SYNJ2: variants seen among roughly 807,000 people sequenced by gnomAD.
SYNJ2 encodes synaptojanin 2, also known as polyphosphatidylinositol phosphatase SYNJ2.
SYNJ2 carries 116 observed loss-of-function variants against 141.3 expected under a neutral mutation model. The ratio of observed to expected loss-of-function variants is 0.82; its 90% confidence interval spans 0.71 to 0.96. The LOEUF is 0.96. Among genes scored for constraint, SYNJ2 ranks in the 40% least tolerant of loss-of-function variants. The pLI is 0.00. For synonymous variants in SYNJ2, 745 were observed against 777.7 expected, an observed-to-expected ratio of 0.96 and a Z score of 0.70; for missense variants, 1,873 against 1,934.8, an observed-to-expected ratio of 0.97 and a Z score of 0.60.
chr6:158,006,820 A>C (rs1361839026), intron 1 of SYNJ2, among the ~76,000 whole-genome samples: 3 of 151,998 alleles, frequency 2.0e-5, no homozygotes, highest in Non-Finnish European at 4.4e-5. Context: ...TTACAGGCGC[A>C]TGCCACCACA....
Position 158,074,757 on chromosome 6 carries a change from A to C in SYNJ2, c.2292+19A>C, listed in dbSNP as rs765435906. 4 of 1,610,090 alleles carry C rather than the reference A, an allele frequency of 2.5e-6. No homozygotes were observed. The highest frequency in any genetic ancestry group is 2.5e-6 in the Non-Finnish European group (3 of 1,179,048). ...TGGAAAAGTAAGTTGTGCTTTAAAA[A>C]CATTTTTTAGCAGCTGCTCCAAGAT... On this transcript the variant is annotated intron_variant, in intron 16 of 26. Coordinates refer to ENST00000355585, the MANE Select transcript of SYNJ2 (RefSeq NM_003898.4).
At chr6:158,056,617 T>C (rs1245193596) in intron 6 of SYNJ2, among the ~76,000 whole-genome samples, 7 of 152,172 alleles carry the variant, frequency 4.6e-5, no homozygotes. Context: ...TGGGGCACCA[T>C]GAGGGTCCCC....
chr6:158,059,851 G>A (rs940986417), intron 7 of SYNJ2, among the ~76,000 whole-genome samples: 5 of 152,168 alleles, frequency 3.3e-5, no homozygotes, highest in South Asian at 2.1e-4. Context: ...CACCGCGCCC[G>A]GCCTAGTGAG....
Position 158,095,724 on chromosome 6 carries a change from C to T in SYNJ2, c.3851C>T (p.Pro1284Leu). Residue 1284 changes from proline (P) to leucine (L), a missense_variant, in exon 27 of 27, where the codon CCT becomes CTT. By Grantham distance (98) the Pro-to-Leu change is moderately conservative (BLOSUM62 -3). Transcript: ENST00000355585. ...CCTGTCGTGACAGCCCCTCGAGTCCCTCCTGTTCCCAAACCAAGAACATTT... is the reference window on the plus strand; with the variant it reads ...CCTGTCGTGACAGCCCCTCGAGTCCTTCCTGTTCCCAAACCAAGAACATTT... ...APPVVTAPRVPPVPKPRTFQP... is the reference protein window; with the variant it reads ...APPVVTAPRVLPVPKPRTFQP... The T allele has an allele frequency of 6.2e-7, 1 of 1,614,226 alleles. No homozygotes were observed.
chr6:158,028,911 C>T lies in SYNJ2; in HGVS notation c.370C>T (p.Leu124Phe). ...EERLIALKKI[L>F]SSGVFYFSWP... ...ACGCCTCATAGCTTTGAAGAAAATC[C>T]TCAGCTCGGGGGTGTTCTATTTCTC... Residue 124 changes from leucine to phenylalanine, a missense_variant, in exon 3 of 27, where the codon CTC (leucine) becomes TTC (phenylalanine). Leu to Phe is a conservative substitution (Grantham distance 22). Coordinates refer to ENST00000355585, the MANE Select transcript of SYNJ2 (RefSeq NM_003898.4). 6.2e-7 allele frequency: 1 copy of T among 1,614,168 alleles called. No homozygotes were observed. The highest frequency in any genetic ancestry group is 8.5e-7 in the Non-Finnish European group (1 of 1,180,028).
intron 12 of SYNJ2, among the ~76,000 whole-genome samples, chr6:158,066,919 T>C (rs1026887168): frequency 7.2e-5 from 11 of 152,208 alleles, no homozygotes; most frequent in Non-Finnish European, 1.0e-4. Flanking sequence ...TAGAATCTTT[T>C]CGTCACCAGT....
chr6:158,031,554 A>G (rs1250968583), intron 3 of SYNJ2, among the ~76,000 whole-genome samples: 6 of 152,236 alleles, frequency 3.9e-5, no homozygotes, highest in African/African-American at 1.2e-4. Flanking sequence ...ACTGACCACA[A>G]CTGAGTCACC....
chr6:158,056,989 G>A (rs548669391), intron 6 of SYNJ2, among the ~76,000 whole-genome samples: 12 of 151,912 alleles, frequency 7.9e-5, no homozygotes, highest in Non-Finnish European at 1.3e-4. Flanking sequence ...GATGAGTCTC[G>A]GTGGAAGGGC....
intron 1 of SYNJ2, among the ~76,000 whole-genome samples, chr6:157,992,549 C>T (rs1777489117): frequency 6.6e-6 from 1 of 151,850 alleles, no homozygotes; most frequent in South Asian, 2.1e-4. Context: ...AGGCACCCAC[C>T]ACCACACCCA....
intron 1 of SYNJ2, among the ~76,000 whole-genome samples, chr6:157,997,871 C>T (rs1777694782): frequency 6.6e-6 from 1 of 152,224 alleles, no homozygotes; most frequent in Non-Finnish European, 1.5e-5. Context: ...CAGCACAAAT[C>T]AACACAGTAG....
chr6:158,062,369 G>A (rs533582716), intron 8 of SYNJ2: 46 of 404,192 alleles, frequency 1.1e-4, no homozygotes, highest in Middle Eastern at 2.5e-3. Context: ...TGGCGACGCC[G>A]GGAATCTTGG....
chr6:158,018,285 C>T (rs1778579559), intron 2 of SYNJ2, among the ~76,000 whole-genome samples: 2 of 152,184 alleles, frequency 1.3e-5, no homozygotes, highest in South Asian at 4.1e-4. Context: ...CACCTGTTTC[C>T]TTCCTTCTCT....
At chr6:158,062,345 C>T in intron 8 of SYNJ2, 181 bp downstream of exon 8, 1 of 700,582 alleles carries the variant, frequency 1.4e-6, no homozygotes, top group Non-Finnish European at 1.8e-6. Flanking sequence ...TTGTGGTTTC[C>T]TGGGTCATAA....
At chr6:157,984,462 G>T (rs1279164381) in intron 1 of SYNJ2, among the ~76,000 whole-genome samples, 1 of 152,014 alleles carries the variant, frequency 6.6e-6, no homozygotes, top group Non-Finnish European at 1.5e-5. Flanking sequence ...GAAGTGGTGC[G>T]ATCTCGGCTG....
rs117124588 is a variant in SYNJ2, at chr6:158,078,012, A to C, written c.2450-152A>C. 1.5e-3 allele frequency: 960 copies of C among 626,446 alleles called. 14 individuals are homozygous for C. The East Asian group carries it at 0.023, about 15-fold the overall frequency. The allele number at this position is 626,446 out of a possible 1,614,324, so 38.8% of individuals were successfully genotyped here. A position where few individuals can be genotyped will look rare whatever the true frequency, so the allele number is the denominator to read the frequency against. The stretch of plus-strand genomic sequence containing the variant: ...TTAACCAAAGGCCCCAAAGCATCCG[A>C]AGCCTGGCTTCAAGGTGGAGGAGTA... On this transcript the variant is annotated intron_variant, in intron 17 of 26. Coordinates refer to ENST00000355585, the MANE Select transcript of SYNJ2 (RefSeq NM_003898.4).
At position 158,089,944 on chromosome 6, in the gene SYNJ2, G is replaced by C; in HGVS notation, c.3562G>C (p.Gly1188Arg). ...AAIRCLLEAR[G>R]GASEEALSAV... ...AATCCGGTGTCTCCTGGAAGCCAGA[G>C]GAGGTAGGTGCTTTCCTGGGGGCAG... Residue 1188 changes from glycine to arginine, a missense_variant, in exon 25 of 27, where the codon GGA (glycine) becomes CGA (arginine). Coordinates refer to ENST00000355585, the MANE Select transcript of SYNJ2 (RefSeq NM_003898.4). 1 of 1,612,538 alleles carries C rather than the reference G, an allele frequency of 6.2e-7. No homozygotes were observed. The highest frequency in any genetic ancestry group is 8.5e-7 in the Non-Finnish European group (1 of 1,178,596).
Position 158,058,655 on chromosome 6 carries a change from G to C in SYNJ2, c.858-602G>C, listed in dbSNP as rs576444191. Among the ~76,000 whole-genome samples, 10 of 152,330 alleles carry C rather than the reference G, an allele frequency of 6.6e-5. No homozygotes were observed. In the East Asian group the frequency reaches 1.9e-3, roughly 29 times the overall value. On this transcript the variant is annotated intron_variant, in intron 6 of 26. Coordinates refer to ENST00000355585, the MANE Select transcript of SYNJ2 (RefSeq NM_003898.4). ...ATGTGTAAGACTCTAGCCCAGGCACGGTGGCTTATGCCTGTAATCCCAACA... is the reference window on the plus strand; with the variant it reads ...ATGTGTAAGACTCTAGCCCAGGCACCGTGGCTTATGCCTGTAATCCCAACA...
chr6:158,032,934 C>A (rs890750823), intron 3 of SYNJ2, among the ~76,000 whole-genome samples: 1 of 152,176 alleles, frequency 6.6e-6, no homozygotes, highest in Non-Finnish European at 1.5e-5. Flanking sequence ...CTTTGTAGCG[C>A]TCTCGTCATA....
chr6:158,093,169 T>C (rs1783578448), intron 26 of SYNJ2, 65 bp downstream of exon 26: 4 of 1,520,300 alleles, frequency 2.6e-6, no homozygotes, highest in Non-Finnish European at 3.5e-6. Flanking sequence ...TAGATAAGAA[T>C]TGTGGCCTGT....
Sources: allele counts gnomAD v4.1 joint callset (sites outside exome capture counted in the v4.1 genomes callset), GRCh38; gene constraint gnomAD v4.1.1; transcripts MANE v1.5; gene names NCBI Gene and HGNC (gene_info 2026-07-23, HGNC 2026-07-21).